The following PADI3 variants were observed in gnomAD, a reference collection of about 807,000 sequenced individuals.
PADI3 encodes peptidyl arginine deiminase 3.
PADI3 carries 53 observed loss-of-function variants against 71.5 expected under a neutral mutation model. The observed-to-expected ratio is 0.74, with a 90% CI of 0.59 to 0.93. The LOEUF is 0.93. PADI3 is among the 40% of genes least tolerant of loss of function. PADI3 has a pLI of 0.00. For missense variants in PADI3, 821 were observed against 868.0 expected (o/e 0.95, Z 0.68); for synonymous variants, 361 against 347.5 (o/e 1.04, Z -0.43).
intron 1 of PADI3, among the ~76,000 whole-genome samples, chr1:17,254,990 A>G (rs1247325079): frequency 6.6e-6 from 1 of 151,930 alleles, no homozygotes; most frequent in Non-Finnish European, 1.5e-5. Flanking sequence ...TGCTGGGATT[A>G]TAGGCGTGAG....
Position 17,283,237 on chromosome 1 carries a change from T to A in PADI3, c.*158T>A. On this transcript the variant is annotated 3_prime_UTR_variant, in exon 16 of 16. Transcript: ENST00000375460. Reference sequence around the variant, plus strand: ...CTCTCAGAAGCCTTTTCCCTGGAAGTGTCCATGCCTCACCTGCAACCCATG... The same window carrying A: ...CTCTCAGAAGCCTTTTCCCTGGAAGAGTCCATGCCTCACCTGCAACCCATG... 1.6e-6 allele frequency: 1 copy of A among 616,432 alleles called. No homozygotes were observed. Among genetic ancestry groups the A allele is most frequent in the South Asian group, 2.0e-5 (1 of 50,078 alleles). 38.2% of individuals were successfully genotyped at this position (616,432 alleles called of 1,614,324 possible).
At chr1:17,266,094 T>C (rs2073164452) in intron 4 of PADI3, among the ~76,000 whole-genome samples, 1 of 152,226 alleles carries the variant, frequency 6.6e-6, no homozygotes, top group African/African-American at 2.4e-5. Context: ...CAGCCACAGT[T>C]AATACAGAAA....
intron 9 of PADI3, among the ~76,000 whole-genome samples, chr1:17,272,867 C>G (rs1055753766): frequency 6.6e-6 from 1 of 152,184 alleles, no homozygotes; most frequent in Admixed American, 6.5e-5. Flanking sequence ...ATGGTGCCCA[C>G]GCCCAGGCAT....
rs772274412 is a variant in PADI3, at chr1:17,259,665, G to C, written c.180G>C (p.Arg60=). The C allele has an allele frequency of 6.2e-7, 1 of 1,613,962 alleles. No homozygotes were observed. Among genetic ancestry groups the C allele is most frequent in the Non-Finnish European group, 8.5e-7 (1 of 1,179,882 alleles). ...TCTCTCCCAACATGGAGAGGGGCCG[G>C]GAGCGTGCAGACACCAGGCGGTGGC... ...IYISPNMERG[R]ERADTRRWRF... Residue 60 remains arginine, a synonymous_variant, in exon 2 of 16, where the codon CGG becomes CGC. Coordinates refer to ENST00000375460, the MANE Select transcript of PADI3 (RefSeq NM_016233.2).
chr1:17,272,710 G>A (rs7545176), intron 9 of PADI3, among the ~76,000 whole-genome samples: 28,172 of 151,706 alleles, frequency 0.19, 2,739 homozygotes, highest in South Asian at 0.3. Context: ...GTTGCCCAGG[G>A]TTGTCTCAAA....
chr1:17,254,212 T>A (rs2072999841), intron 1 of PADI3, among the ~76,000 whole-genome samples: 1 of 152,116 alleles, frequency 6.6e-6, no homozygotes, highest in South Asian at 2.1e-4. Context: ...GGATCTGGGA[T>A]CCTCGCTGAC....
intron 3 of PADI3, among the ~76,000 whole-genome samples, chr1:17,263,346 T>G (rs1329137909): frequency 6.6e-6 from 1 of 152,000 alleles, no homozygotes; most frequent in Non-Finnish European, 1.5e-5. Context: ...ATATCAAGAC[T>G]TTTTTTTCAA....
chr1:17,282,831 C>G lies in PADI3; in HGVS notation c.1762-15C>G. On this transcript the variant is annotated splice_polypyrimidine_tract_variant and intron_variant, in intron 15 of 15. Transcript: ENST00000375460. ...GAGCCCAGTGATGAAGTGCTGCTTC[C>G]CCTTTGGACTGCAGGTGAACATGCT... 6.3e-7 allele frequency: 1 copy of G among 1,590,936 alleles called. No individual in the cohort carries two copies. The highest frequency in any genetic ancestry group is 8.6e-7 in the Non-Finnish European group (1 of 1,165,696).
chr1:17,255,309 C>T (rs906954988), intron 1 of PADI3, among the ~76,000 whole-genome samples: 1 of 152,368 alleles, frequency 6.6e-6, no homozygotes, highest in Non-Finnish European at 1.5e-5. Flanking sequence ...AACTCACCAT[C>T]TTAGGCTGGC....
At chr1:17,280,322 CCTT>C (rs1261189842) in intron 13 of PADI3, 25 bp from the exon 14 acceptor site, 15 of 1,586,308 alleles carry the variant, frequency 9.5e-6, no homozygotes, top group Middle Eastern at 1.7e-4. Context: ...CTGTCCCTGT[CCTT>C]CTCTTTCATC....
intron 6 of PADI3, 139 bp downstream of exon 6, chr1:17,268,101 T>A: frequency 1.1e-6 from 1 of 935,602 alleles, no homozygotes; most frequent in Non-Finnish European, 1.6e-6. Flanking sequence ...CGGGTCGCAG[T>A]AAGAACAGTC....
At chr1:17,282,083 T>A (rs1458671558) in intron 15 of PADI3, among the ~76,000 whole-genome samples, 1 of 152,192 alleles carries the variant, frequency 6.6e-6, no homozygotes, top group South Asian at 2.1e-4. Flanking sequence ...TGCCCTCCGC[T>A]TGCAAAGCCT....
chr1:17,272,187 G>A (rs144876966), intron 9 of PADI3, among the ~76,000 whole-genome samples: 1 of 152,216 alleles, frequency 6.6e-6, no homozygotes, highest in Non-Finnish European at 1.5e-5. Context: ...CAAGCACCAG[G>A]CTGTACAGGT....
At chr1:17,249,442 G>A (rs1416730738) in intron 1 of PADI3, among the ~76,000 whole-genome samples, 1 of 152,184 alleles carries the variant, frequency 6.6e-6, no homozygotes, top group East Asian at 1.9e-4. Context: ...GCTGAGCCAG[G>A]TAGAAGAGGC....
intron 2 of PADI3, among the ~76,000 whole-genome samples, chr1:17,260,889 C>T (rs2073094613): frequency 6.6e-6 from 1 of 152,122 alleles, no homozygotes; most frequent in Admixed American, 6.5e-5. Flanking sequence ...TGTGGGTACC[C>T]CCACCTTGAA....
At chr1:17,258,870 GCT>G (rs1157517960) in intron 1 of PADI3, among the ~76,000 whole-genome samples, 9 of 152,220 alleles carry the variant, frequency 5.9e-5, no homozygotes, top group Non-Finnish European at 1.2e-4. Context: ...TCTTTTTAAA[GCT>G]CTCAGAACTG....
intron 2 of PADI3, 85 bp from the exon 3 acceptor site, chr1:17,262,048 C>T (rs1569888395): frequency 5.7e-6 from 7 of 1,235,456 alleles, no homozygotes; most frequent in Non-Finnish European, 8.3e-6. Context: ...GCCCCCTCCC[C>T]TCCTTACCAG....
intron 6 of PADI3, among the ~76,000 whole-genome samples, chr1:17,268,624 C>T (rs2073204195): frequency 6.7e-6 from 1 of 150,292 alleles, no homozygotes; most frequent in Admixed American, 6.7e-5. Context: ...TCTCCTGCCT[C>T]AGCCTCCCAA....
chr1:17,271,836 C>CAAAAAAAAA (rs71571852), intron 9 of PADI3, among the ~76,000 whole-genome samples: 124 of 79,208 alleles, frequency 1.6e-3, no homozygotes, highest in Middle Eastern at 0.018. Context: ...GCAACAACAA[C>CAAAAAAAAA]AAAAAAAAAA....
Sources: gnomAD v4.1 joint callset for allele counts (sites outside exome capture counted in the v4.1 genomes callset) on GRCh38, gnomAD v4.1.1 for gene constraint, MANE v1.5 for transcripts, NCBI Gene and HGNC (gene_info 2026-07-23, HGNC 2026-07-21) for gene names.